USP8: variants seen among roughly 807,000 people sequenced by gnomAD.
USP8 encodes ubiquitin specific peptidase 8, also known as ubiquitin carboxyl-terminal hydrolase 8.
USP8 carries 27 observed loss-of-function variants against 130.0 expected under a neutral mutation model. The observed-to-expected ratio is 0.21, with a 90% confidence interval of 0.15 to 0.29. The LOEUF (loss-of-function observed/expected upper bound fraction) is 0.29, where lower values mean the gene tolerates loss of function less well. Among genes scored for constraint, USP8 ranks in the 10% least tolerant of loss-of-function variants. USP8 has a pLI of 1.00. For synonymous variants in USP8, 392 were observed against 444.1 expected, an observed-to-expected ratio of 0.88 and a Z score of 1.48; for missense variants, 1,029 against 1,312.2, an observed-to-expected ratio of 0.78 and a Z score of 3.33.
intron 7 of USP8, among the ~76,000 whole-genome samples, chr15:50,469,329 A>T (rs931248149): frequency 2.0e-5 from 3 of 152,156 alleles, no homozygotes; most frequent in African/African-American, 7.2e-5. Flanking sequence ...CAAGTAGAGC[A>T]GAGTTGGAGC....
At chr15:50,475,631 T>G (rs533626082) in intron 8 of USP8, among the ~76,000 whole-genome samples, 1 of 152,096 alleles carries the variant, frequency 6.6e-6, no homozygotes, top group Non-Finnish European at 1.5e-5. Flanking sequence ...AGATGAAGTC[T>G]CACTCTTATC....
At position 50,492,638 on chromosome 15, in the gene USP8, T is replaced by G. The variant is rs146386945; in HGVS notation, c.2235-63T>G. On this transcript the variant is annotated intron_variant, in intron 14 of 19. Coordinates refer to ENST00000307179, the MANE Select transcript of USP8 (RefSeq NM_005154.5). ...TGCTACAGTTTGCTGCCATTTATAG[T>G]ATAGAACCTTAATTTCATATGCTCA... 7 of 1,550,366 alleles carry G rather than the reference T, an allele frequency of 4.5e-6. No individual in the cohort carries two copies. The African/African-American group carries it at 9.5e-5, about 21-fold the overall frequency.
intron 4 of USP8, 93 bp downstream of exon 4, chr15:50,449,578 ATAT>A (rs2050548553): frequency 1.0e-6 from 1 of 971,542 alleles, no homozygotes; most frequent in African/African-American, 1.7e-5. Flanking sequence ...GATTCATATA[ATAT>A]TCCAATTTTT....
At chr15:50,496,895 A>C in intron 17 of USP8, 194 bp from the exon 18 acceptor site, 1 of 619,802 alleles carries the variant, frequency 1.6e-6, no homozygotes, top group African/African-American at 1.9e-5. Flanking sequence ...GGTAGCACTC[A>C]CCACACTCTG....
intron 7 of USP8, chr15:50,467,067 G>A (rs2141287102): frequency 3.4e-6 from 2 of 583,216 alleles, no homozygotes; most frequent in Admixed American, 3.0e-5. Flanking sequence ...TGAGCCAGGA[G>A]TTGAGGTGGA....
chr15:50,484,823 A>G (rs1170467898), intron 12 of USP8, among the ~76,000 whole-genome samples: 2 of 152,242 alleles, frequency 1.3e-5, no homozygotes, highest in Admixed American at 6.5e-5. Context: ...AAGGAAAGAA[A>G]TTCTGACACG....
chr15:50,497,346 T>A, intron 18 of USP8, 115 bp downstream of exon 18: 1 of 1,329,646 alleles, frequency 7.5e-7, no homozygotes, highest in Non-Finnish European at 1.0e-6. Flanking sequence ...AGGGCGATTA[T>A]CTGGTTACAG....
At chr15:50,424,681 G>A (rs1412714352) in intron 1 of USP8, 167 bp downstream of exon 1, 2 of 394,838 alleles carry the variant, frequency 5.1e-6, no homozygotes, top group East Asian at 3.6e-5. Context: ...GAGAGGAAAG[G>A]CCCAACCTTG....
chr15:50,484,868 A>G (rs189842845), intron 12 of USP8, among the ~76,000 whole-genome samples: 83 of 152,360 alleles, frequency 5.4e-4, no homozygotes, highest in African/African-American at 1.9e-3. Flanking sequence ...TCATTTGCTA[A>G]GTGAAATAAG....
Position 50,484,370 on chromosome 15 carries a change from T to C in USP8, c.1890+9T>C. 1 of 1,604,390 alleles carries C rather than the reference T, an allele frequency of 6.2e-7. No homozygotes were observed. The highest frequency in any genetic ancestry group is 8.5e-7 in the Non-Finnish European group (1 of 1,175,998). ...ATACCGAAAGAAATAAAGTAAGTAG[T>C]TTATTGCAGGAAAAAACTGGAAAAA... is the stretch of plus-strand genomic sequence containing the variant. On this transcript the variant is annotated intron_variant, in intron 12 of 19. Coordinates refer to ENST00000307179, the MANE Select transcript of USP8 (RefSeq NM_005154.5).
intron 4 of USP8, among the ~76,000 whole-genome samples, chr15:50,451,381 A>G (rs138353995): frequency 8.1e-4 from 123 of 152,350 alleles, no homozygotes; most frequent in African/African-American, 2.8e-3. Context: ...ACTGCACTCT[A>G]GCCTGGGCGA....
rs2052749591 is a variant in USP8, at chr15:50,512,349, A to C, written c.*13261A>C. ...TTAAAAAAAAAAAAAATAGCGAGAG[A>C]TCGAGAGAGAGTGCACGTGAGAAGA... On this transcript the variant is annotated 3_prime_UTR_variant, in exon 20 of 20. Transcript: ENST00000307179. 1 of 151,220 alleles carries C rather than the reference A, an allele frequency of 6.6e-6. No homozygotes were observed. Among genetic ancestry groups the C allele is most frequent in the Admixed American group, 6.6e-5 (1 of 15,216 alleles). The allele number at this position is 151,220 out of a possible 1,614,324, so 9.4% of individuals were successfully genotyped here.
intron 16 of USP8, among the ~76,000 whole-genome samples, chr15:50,494,649 C>G (rs1172736531): frequency 6.6e-6 from 1 of 152,036 alleles, no homozygotes; most frequent in Non-Finnish European, 1.5e-5. Flanking sequence ...TGTACATATC[C>G]TTATTCTTTT....
At chr15:50,464,519 A>T (rs1028859209) in intron 6 of USP8, among the ~76,000 whole-genome samples, 3 of 152,176 alleles carry the variant, frequency 2.0e-5, no homozygotes, top group African/African-American at 7.2e-5. Context: ...TTGATTTTTA[A>T]GTCTTTGTAA....
At chr15:50,437,046 C>T (rs2141251489) in intron 1 of USP8, among the ~76,000 whole-genome samples, 1 of 151,984 alleles carries the variant, frequency 6.6e-6, no homozygotes, top group East Asian at 1.9e-4. Context: ...CTTGTTTAAC[C>T]CATAACTTCC....
intron 4 of USP8, among the ~76,000 whole-genome samples, chr15:50,453,860 C>CTTTTTTTTTTT (rs71124355): frequency 4.6e-5 from 4 of 86,948 alleles, no homozygotes; most frequent in Non-Finnish European, 8.2e-5. Context: ...TGGGAATATT[C>CTTTTTTTTTTT]TTTTTTTTTT....
At chr15:50,453,399 C>A (rs2050686469) in intron 4 of USP8, among the ~76,000 whole-genome samples, 2 of 152,138 alleles carry the variant, frequency 1.3e-5, no homozygotes, top group Non-Finnish European at 2.9e-5. Context: ...TCTTCCTTGA[C>A]CCATGGGTCA....
At chr15:50,498,128 T>C (rs16963752) in intron 18 of USP8, among the ~76,000 whole-genome samples, 1,986 of 152,316 alleles carry the variant, frequency 0.013, 51 homozygotes, top group African/African-American at 0.046. Context: ...ATCATTGTTT[T>C]GATGTTTAAA....
chr15:50,436,025 AATAG>A (rs1162528445), intron 1 of USP8, among the ~76,000 whole-genome samples: 1 of 152,114 alleles, frequency 6.6e-6, no homozygotes, highest in Non-Finnish European at 1.5e-5. Flanking sequence ...GGATCATTAT[AATAG>A]ATAACTAGTG....
Sources: gnomAD v4.1 joint callset for allele counts (sites outside exome capture counted in the v4.1 genomes callset) on GRCh38, gnomAD v4.1.1 for gene constraint, MANE v1.5 for transcripts, NCBI Gene and HGNC (gene_info 2026-07-23, HGNC 2026-07-21) for gene names.